Variants in RPL18 observed in about 807,000 individuals in gnomAD.
The protein encoded by RPL18 is ribosomal protein L18, also known as large ribosomal subunit protein eL18.
In RPL18, 4 loss-of-function variants were observed where a neutral mutation model predicts 25.0. The ratio of observed to expected loss-of-function variants is 0.16; its 90% CI spans 0.08 to 0.37. RPL18 has a LOEUF of 0.37. Ranked by LOEUF, RPL18 falls within the 10% of genes least tolerant of loss-of-function variation. The pLI is 1.00. For synonymous variants in RPL18, 129 were observed against 101.6 expected (o/e 1.27, Z -1.62); for missense variants, 179 against 267.9 (o/e 0.67, Z 2.32).
intron 2 of RPL18, 65 bp downstream of exon 2, chr19:48,617,726 G>A (rs1974222207): frequency 2.3e-6 from 3 of 1,290,010 alleles, no homozygotes; most frequent in Non-Finnish European, 3.4e-6. Context: ...GCCAGCACTA[G>A]AATGGAGGAT....
At chr19:48,617,614 C>T (rs1428223905) in intron 2 of RPL18, 177 bp downstream of exon 2, 4 of 684,270 alleles carry the variant, frequency 5.8e-6, no homozygotes, top group South Asian at 1.9e-5. Context: ...GCTCCACTCC[C>T]GAGCTGTACA....
At position 48,618,364 on chromosome 19, in the gene RPL18, CAATAT is replaced by C. The variant is rs1974250492; in HGVS notation, c.4-492_4-488del. 3.2e-5 allele frequency: 5 copies of C among 155,960 alleles called. No individual in the cohort carries two copies. The South Asian group carries it at 8.8e-4, about 27-fold the overall frequency. 9.7% of individuals were successfully genotyped at this position (155,960 alleles called of 1,614,324 possible). ...TTTTTAAAGTGGAGACAGGGTCTCA[CAATAT>C]TGGCCAGGCTGGTCTTGATCTCCTG... On this transcript the variant is annotated intron_variant, in intron 1 of 6. Coordinates refer to ENST00000549920, the MANE Select transcript of RPL18 (RefSeq NM_000979.4).
In RPL18 at chr19:48,616,197, A is replaced by G; in HGVS notation, c.303T>C (p.Cys101=). The G allele has an allele frequency of 6.2e-7, 1 of 1,613,672 alleles. No individual in the cohort carries two copies. Among genetic ancestry groups the G allele is most frequent in the African/African-American group, 1.3e-5 (1 of 75,030 alleles). ...GGGCCCGGCTGGTCACGCGCAGTGC[A>G]CATACCTGGTGGAGAGGACAAGGCT... The part of the protein sequence containing the change: ...RVQEVPKLKV[C]ALRVTSRARS... The change falls in exon 5 of 7, where the codon TGT becomes TGC. Residue 101 remains cysteine, a synonymous_variant. Transcript: ENST00000549920.
rs1974289365 is a variant in RPL18 at position 48,619,051 on chromosome 19, C to T, written c.3+90G>A. 5.7e-6 allele frequency: 8 copies of T among 1,391,908 alleles called. No homozygotes were observed. The South Asian group carries it at 9.9e-5, about 17-fold the overall frequency. 86.2% of individuals were successfully genotyped at this position (1,391,908 alleles called of 1,614,324 possible). A position where few individuals can be genotyped will look rare whatever the true frequency, so the allele number is the denominator to read the frequency against. On this transcript the variant is annotated intron_variant, in intron 1 of 6. Coordinates refer to ENST00000549920, the MANE Select transcript of RPL18 (RefSeq NM_000979.4). Reference sequence around the variant, plus strand: ...ATTGCTCCCTCCGGGCAGCCGCAGACCCCCTGCCGCCCTCCAGCGTGCCCC... The same window carrying T: ...ATTGCTCCCTCCGGGCAGCCGCAGATCCCCTGCCGCCCTCCAGCGTGCCCC...
At chr19:48,617,960 G>T in intron 1 of RPL18, 83 bp from the exon 2 acceptor site, 1 of 1,094,984 alleles carries the variant, frequency 9.1e-7, no homozygotes, top group Non-Finnish European at 1.4e-6. Flanking sequence ...TGAGAGCTGG[G>T]ACACAAGCCC....
chr19:48,618,202 C>A, intron 1 of RPL18: 1 of 226,622 alleles, frequency 4.4e-6, no homozygotes, highest in Non-Finnish European at 8.9e-6. Context: ...GGAGGGATAA[C>A]CAAAAATATC....
chr19:48,617,350 C>A lies in RPL18; in HGVS notation c.164G>T (p.Arg55Leu). Residue 55 changes from arginine to leucine, a missense_variant, in exon 3 of 7, where the codon CGC becomes CTC. Arg to Leu is a moderately radical substitution (Grantham distance 102). Coordinates refer to ENST00000549920, the MANE Select transcript of RPL18 (RefSeq NM_000979.4). ...QVVLKRLFMS[R>L]TNRPPLSLSR... is the part of the protein sequence containing the mutation. ...AAGGGACAGAGGCGGCCGGTTGGTG[C>A]GACTCATAAACAACCTCTTCAACAC... The A allele has an allele frequency of 6.2e-7, 1 of 1,614,090 alleles. No homozygotes were observed. Among genetic ancestry groups the A allele is most frequent in the Non-Finnish European group, 8.5e-7 (1 of 1,179,980 alleles).
In RPL18 at chr19:48,616,070, A is replaced by G. The variant is rs1974160725; in HGVS notation, c.421+9T>C. The stretch of plus-strand genomic sequence containing the variant: ...CTCAGTCCAAACCCGTCGACCACGT[A>G]TCACTCACCGGAGAGCAGGACAGTG... On this transcript the variant is annotated intron_variant, in intron 5 of 6. Transcript: ENST00000549920. 3 of 1,614,006 alleles carry G rather than the reference A, an allele frequency of 1.9e-6. No individual in the cohort carries two copies. The highest frequency in any genetic ancestry group is 1.7e-5 in the Admixed American group (1 of 59,994).
chr19:48,616,925 C>T (rs1476529056), intron 3 of RPL18, 101 bp from the exon 4 acceptor site: 2 of 848,158 alleles, frequency 2.4e-6, no homozygotes, highest in Non-Finnish European at 4.0e-6. Context: ...TCTAACGGGA[C>T]CCCCCACTCA....
chr19:48,617,058 A>T, intron 3 of RPL18: 2 of 702,646 alleles, frequency 2.8e-6, no homozygotes, highest in East Asian at 2.7e-5. Flanking sequence ...CATAAAACTC[A>T]GTTATGACTT....
intron 4 of RPL18, 84 bp downstream of exon 4, chr19:48,616,642 A>ACCAGC: frequency 1.4e-6 from 1 of 718,444 alleles, no homozygotes. Flanking sequence ...CTGAGGATGG[A>ACCAGC]CCAGCACAGC....
In RPL18 at chr19:48,617,866, G is replaced by C; in HGVS notation, c.15C>G (p.Ile5Met). Residue 5 changes from isoleucine (I) to methionine (M), a missense_variant, in exon 2 of 7, where the codon ATC (isoleucine) becomes ATG (methionine). Coordinates refer to ENST00000549920, the MANE Select transcript of RPL18 (RefSeq NM_000979.4). ...GAACCTTTCGGTCCTTGTTATGGCG[G>C]ATGTCCACTCCCTGTGGGGGTGAAG... MGVDIRHNKDRKVRR... is the reference protein window; with the variant it reads MGVDMRHNKDRKVRR... The C allele has an allele frequency of 1.9e-6, 3 of 1,613,906 alleles. No homozygotes were observed. Among genetic ancestry groups the C allele is most frequent in the South Asian group, 1.1e-5 (1 of 91,074 alleles).
chr19:48,619,074 C>T (rs978041018), intron 1 of RPL18, 67 bp downstream of exon 1: 69 of 1,563,488 alleles, frequency 4.4e-5, no homozygotes, highest in African/African-American at 6.7e-5. Context: ...TCCAGCGTGC[C>T]CCTAGCCCAA....
At chr19:48,617,726 G>C (rs1974222207) in intron 2 of RPL18, 65 bp downstream of exon 2, 1 of 1,289,888 alleles carries the variant, frequency 7.8e-7, no homozygotes, top group East Asian at 2.3e-5. Flanking sequence ...GCCAGCACTA[G>C]AATGGAGGAT....
intron 1 of RPL18, chr19:48,618,699 G>A (rs577616268): frequency 2.0e-4 from 42 of 212,834 alleles, no homozygotes; most frequent in South Asian, 9.4e-4. Context: ...AAGGTGGGAA[G>A]GGGCCTGAGA....
At chr19:48,615,968 C>T (rs772749012) in intron 5 of RPL18, 22 bp from the exon 6 acceptor site, 11 of 1,613,808 alleles carry the variant, frequency 6.8e-6, no homozygotes, top group African/African-American at 6.7e-5. Context: ...GAAGGAGAAC[C>T]GGGTGAGACA....
At chr19:48,618,488 G>A (rs748095990) in intron 1 of RPL18, 25 of 154,628 alleles carry the variant, frequency 1.6e-4, no homozygotes, top group Non-Finnish European at 3.3e-4. Context: ...GCCTTTCTGA[G>A]CAACTTAAGT....
chr19:48,616,235 C>T, intron 4 of RPL18, 33 bp from the exon 5 acceptor site: 1 of 1,609,950 alleles, frequency 6.2e-7, no homozygotes, highest in Non-Finnish European at 8.5e-7. Context: ...CGGGTCAGAC[C>T]CCTGCGTGGT....
chr19:48,619,076 C>G, intron 1 of RPL18, 65 bp downstream of exon 1: 3 of 1,570,018 alleles, frequency 1.9e-6, no homozygotes. Context: ...CAGCGTGCCC[C>G]TAGCCCAAAA....
Sources: allele counts gnomAD v4.1 joint callset, GRCh38; gene constraint gnomAD v4.1.1; transcripts MANE v1.5; gene names NCBI Gene and HGNC (gene_info 2026-07-23, HGNC 2026-07-21).